NIPAL2: variants seen among roughly 807,000 people sequenced by gnomAD.
The protein encoded by NIPAL2 is NIPA-like protein 2.
A neutral mutation model predicts 48.9 loss-of-function variants in NIPAL2; 43 were observed. The ratio of observed to expected loss-of-function variants is 0.88; its 90% CI spans 0.69 to 1.13. The LOEUF (loss-of-function observed/expected upper bound fraction) is 1.13. Among genes scored for constraint, NIPAL2 ranks in the 50% most tolerant of loss-of-function variants. The pLI is 0.00. For synonymous variants in NIPAL2, 167 were observed against 174.6 expected, an observed-to-expected ratio of 0.96 and a Z score of 0.34; for missense variants, 446 against 461.4, an observed-to-expected ratio of 0.97 and a Z score of 0.31.
chr8:98,200,763 A>G (rs1810760567), intron 8 of NIPAL2, among the ~76,000 whole-genome samples: 1 of 152,158 alleles, frequency 6.6e-6, no homozygotes, highest in African/African-American at 2.4e-5. Flanking sequence ...GTTCCAGTTG[A>G]TCCACATCCT....
intron 1 of NIPAL2, among the ~76,000 whole-genome samples, chr8:98,259,296 C>T (rs1484699096): frequency 3.3e-5 from 5 of 151,522 alleles, no homozygotes; most frequent in South Asian, 4.2e-4. Flanking sequence ...AGGATGGTCT[C>T]GATCTCCTGA....
In NIPAL2 at chr8:98,252,572, C is replaced by G; in HGVS notation, c.267G>C (p.Leu89=). 1 of 1,614,118 alleles carries G rather than the reference C, an allele frequency of 6.2e-7. No homozygotes were observed. The highest frequency in any genetic ancestry group is 8.5e-7 in the Non-Finnish European group (1 of 1,180,032). The change falls in exon 3 of 11, where the codon CTG becomes CTC. Residue 89 remains leucine (L), a synonymous_variant. Coordinates refer to ENST00000430223, the MANE Select transcript of NIPAL2 (RefSeq NM_001321635.2). The stretch of plus-strand genomic sequence containing the variant: ...CCATCAGCAGGACACCACCCCACCA[C>G]AGCACACTCTTGAAGTATGGCCTTG... ...EHPRPYFKSV[L]WWGGVLLMAV... is the part of the protein sequence containing the mutation.
rs558465867 is a variant in NIPAL2, at chr8:98,287,106, GA to G, written c.135+6896del. Among the ~76,000 whole-genome samples the G allele has an allele frequency of 1.1e-4, 16 of 150,106 alleles. No individual in the cohort carries two copies. The East Asian group carries it at 1.2e-3, about 11-fold the overall frequency. On this transcript the variant is annotated intron_variant, in intron 1 of 10. Coordinates refer to ENST00000430223, the MANE Select transcript of NIPAL2 (RefSeq NM_001321635.2). ...GAATAGAGGAATATCGGTCTTTCAGGAAAAAAAAACAAGCTAAAATAAATGG... is the reference window on the plus strand; with the variant it reads ...GAATAGAGGAATATCGGTCTTTCAGGAAAAAAAACAAGCTAAAATAAATGG...
intron 1 of NIPAL2, among the ~76,000 whole-genome samples, chr8:98,259,832 C>T (rs1814183178): frequency 6.6e-6 from 1 of 152,136 alleles, no homozygotes; most frequent in Non-Finnish European, 1.5e-5. Flanking sequence ...AGCACCCAGC[C>T]CCCAGCTGAC....
chr8:98,290,066 C>T (rs1186276625), intron 1 of NIPAL2, among the ~76,000 whole-genome samples: 1 of 152,280 alleles, frequency 6.6e-6, no homozygotes, highest in Non-Finnish European at 1.5e-5. Context: ...AGTAGTTTTG[C>T]AGTTAAACCC....
chr8:98,239,243 T>C (rs1812866416), intron 3 of NIPAL2, among the ~76,000 whole-genome samples: 2 of 152,214 alleles, frequency 1.3e-5, no homozygotes, highest in African/African-American at 4.8e-5. Flanking sequence ...AAGAATTTGT[T>C]TGTCTATTCA....
intron 3 of NIPAL2, chr8:98,251,690 A>G (rs1171647873): frequency 6.6e-6 from 1 of 152,214 alleles, no homozygotes; most frequent in Non-Finnish European, 1.5e-5. Flanking sequence ...TTTAGGAGGA[A>G]CATTTAAATT....
chr8:98,276,141 T>C (rs1163468808), intron 1 of NIPAL2, among the ~76,000 whole-genome samples: 13 of 152,170 alleles, frequency 8.5e-5, no homozygotes. Flanking sequence ...ACTGTTAGTT[T>C]TTCATGCTCT....
In NIPAL2 at chr8:98,252,567, C is replaced by T. The variant is rs1460850184; in HGVS notation, c.272G>A (p.Trp91Ter). The change falls in exon 3 of 11, where the codon TGG becomes TAG. Residue 91 changes from tryptophan to a stop codon, truncating the protein, a stop_gained. Transcript: ENST00000430223. LOFTEE classifies it high-confidence loss of function. Reference sequence around the variant, plus strand: ...CACGGCCATCAGCAGGACACCACCCCACCACAGCACACTCTTGAAGTATGG... The same window carrying T: ...CACGGCCATCAGCAGGACACCACCCTACCACAGCACACTCTTGAAGTATGG... ...PRPYFKSVLW[W>*]GGVLLMAVGE... The T allele has an allele frequency of 2.0e-5, 32 of 1,613,970 alleles. No individual in the cohort carries two copies. Among genetic ancestry groups the T allele is most frequent in the African/African-American group, 4.0e-5 (3 of 74,904 alleles).
chr8:98,253,026 T>C (rs1228375215), intron 2 of NIPAL2, among the ~76,000 whole-genome samples: 1 of 152,114 alleles, frequency 6.6e-6, no homozygotes, highest in East Asian at 1.9e-4. Context: ...AACGTATCCA[T>C]GCTGCAGATG....
chr8:98,279,226 T>C (rs1298917286), intron 1 of NIPAL2, among the ~76,000 whole-genome samples: 1 of 152,174 alleles, frequency 6.6e-6, no homozygotes, highest in African/African-American at 2.4e-5. Flanking sequence ...TTTTAAAAGA[T>C]GGTGGTTTGA....
rs942842681 is a variant in NIPAL2 at position 98,190,976 on chromosome 8, T to C, written c.*2002A>G. On this transcript the variant is annotated 3_prime_UTR_variant, in exon 11 of 11. Transcript: ENST00000430223. ...TATTTACCTTACTTTGGAGCAACAA[T>C]ATGGAAAGTAAAACTAGGTCTGAAT... The C allele has an allele frequency of 6.6e-6, 1 of 152,180 alleles. No homozygotes were observed. Among genetic ancestry groups the C allele is most frequent in the Non-Finnish European group, 1.5e-5 (1 of 68,038 alleles). The allele number at this position is 152,180 out of a possible 1,614,324, so 9.4% of individuals were successfully genotyped here. A position where few individuals can be genotyped will look rare whatever the true frequency, so the allele number is the denominator to read the frequency against.
At chr8:98,257,970 G>T (rs1381762138) in intron 1 of NIPAL2, among the ~76,000 whole-genome samples, 1 of 152,106 alleles carries the variant, frequency 6.6e-6, no homozygotes, top group East Asian at 1.9e-4. Context: ...CCAAACTGTG[G>T]CCTGACCACT....
chr8:98,196,016 G>T lies in NIPAL2; in HGVS notation c.881-11C>A, dbSNP rs7010905. 384,951 of 1,512,462 alleles carry T rather than the reference G, an allele frequency of 0.25. 51,008 individuals carry two copies. The highest frequency in any genetic ancestry group is 0.31 in the Middle Eastern group (1,660 of 5,332). 93.7% of individuals were successfully genotyped at this position (1,512,462 alleles called of 1,614,324 possible). ...GATAAAATATGATACCTGTAACACA[G>T]GAAAAGAAGACAAAATTGATTTTGA... On this transcript the variant is annotated splice_polypyrimidine_tract_variant and intron_variant, in intron 8 of 10. Transcript: ENST00000430223.
At chr8:98,242,103 G>A (rs1018525639) in intron 3 of NIPAL2, among the ~76,000 whole-genome samples, 1 of 152,208 alleles carries the variant, frequency 6.6e-6, no homozygotes, top group African/African-American at 2.4e-5. Context: ...GGAGGAATAA[G>A]TTTTAGCGAT....
rs758070114 is a variant in NIPAL2, at chr8:98,222,469, G to T, written c.558+10C>A. ...AGCTTCGGGGATAGTAAAATATTTA[G>T]AATTCTTACCACATAGATCAGGAAC... On this transcript the variant is annotated intron_variant, in intron 5 of 10. Coordinates refer to ENST00000430223, the MANE Select transcript of NIPAL2 (RefSeq NM_001321635.2). The T allele has an allele frequency of 3.7e-6, 6 of 1,611,538 alleles. No individual in the cohort carries two copies. In the South Asian group the frequency reaches 6.7e-5, roughly 18 times the overall value.
intron 3 of NIPAL2, 52 bp from the exon 4 acceptor site, chr8:98,236,266 C>A: frequency 1.6e-6 from 2 of 1,254,330 alleles, no homozygotes; most frequent in Non-Finnish European, 1.1e-6. Flanking sequence ...GTGTCTATTA[C>A]GCAATGCCAT....
intron 1 of NIPAL2, among the ~76,000 whole-genome samples, chr8:98,275,923 T>A (rs1815432601): frequency 6.6e-6 from 1 of 152,204 alleles, no homozygotes; most frequent in South Asian, 2.1e-4. Flanking sequence ...ATGATTATCA[T>A]TATTTTTTAA....
intron 1 of NIPAL2, among the ~76,000 whole-genome samples, chr8:98,275,043 G>C (rs559780253): frequency 5.6e-4 from 85 of 152,038 alleles, no homozygotes; most frequent in Non-Finnish European, 1.1e-3. Flanking sequence ...GGGGTTCCCA[G>C]GCATATTTCC....
Sources: allele counts gnomAD v4.1 joint callset (sites outside exome capture counted in the v4.1 genomes callset), GRCh38; gene constraint gnomAD v4.1.1; transcripts MANE v1.5; gene names NCBI Gene and HGNC (gene_info 2026-07-23, HGNC 2026-07-21).